The following ABCC1 variants were observed in gnomAD, a reference collection of about 807,000 sequenced individuals.
The protein encoded by ABCC1 is ATP binding cassette subfamily C member 1 (ABCC1 blood group).
A neutral mutation model predicts 172.9 loss-of-function variants in ABCC1; 83 were observed. The ratio of observed to expected loss-of-function variants is 0.48; its 90% CI spans 0.40 to 0.58. The LOEUF (loss-of-function observed/expected upper bound fraction) is 0.58, where lower values mean the gene tolerates loss of function less well. Ranked by LOEUF, ABCC1 falls within the 20% of genes least tolerant of loss-of-function variation. The probability of loss-of-function intolerance (pLI) is 0.00; values close to 1 mark genes in which losing one functional copy is unlikely to be tolerated. For missense variants in ABCC1, 1,817 were observed against 2,002.7 expected (o/e 0.91, Z 1.77); for synonymous variants, 937 against 825.2 (o/e 1.14, Z -2.32).
chr16:16,121,469 A>G (rs756309013), intron 23 of ABCC1, among the ~76,000 whole-genome samples: 1 of 152,232 alleles, frequency 6.6e-6, no homozygotes, highest in Admixed American at 6.5e-5. Flanking sequence ...GTTGACCTCA[A>G]AGCCTATGCT....
At chr16:15,975,152 C>G (rs1207425656) in intron 1 of ABCC1, among the ~76,000 whole-genome samples, 2 of 152,326 alleles carry the variant, frequency 1.3e-5, no homozygotes, top group South Asian at 4.1e-4. Flanking sequence ...ATTTCTCGTT[C>G]TGCTTTTACA....
At chr16:16,028,119 CCTTTGTTATCAG>C (rs2048438176) in intron 5 of ABCC1, among the ~76,000 whole-genome samples, 1 of 152,114 alleles carries the variant, frequency 6.6e-6, no homozygotes, top group Non-Finnish European at 1.5e-5. Context: ...TTCCTTTGTT[CCTTTGTTATCAG>C]CTGGCCGTTT....
intron 5 of ABCC1, among the ~76,000 whole-genome samples, chr16:16,028,400 G>A (rs540468299): frequency 2.6e-5 from 4 of 152,104 alleles, no homozygotes; most frequent in Non-Finnish European, 5.9e-5. Context: ...CTATAAGCAA[G>A]TCCTGCCCAT....
intron 13 of ABCC1, among the ~76,000 whole-genome samples, chr16:16,069,441 A>G (rs1456248570): frequency 6.6e-6 from 1 of 151,812 alleles, no homozygotes; most frequent in Non-Finnish European, 1.5e-5. Context: ...AATTCCTGCC[A>G]TTGACTGTGT....
At chr16:16,052,179 C>T (rs2049457501) in intron 10 of ABCC1, among the ~76,000 whole-genome samples, 1 of 151,644 alleles carries the variant, frequency 6.6e-6, no homozygotes, top group South Asian at 2.1e-4. Context: ...GTTTGAGTAA[C>T]ATAGTGAGAC....
chr16:16,066,917 T>C (rs2050134568), intron 12 of ABCC1, among the ~76,000 whole-genome samples: 1 of 149,166 alleles, frequency 6.7e-6, no homozygotes, highest in Admixed American at 6.7e-5. Flanking sequence ...AAAAAAAAAG[T>C]ATCTTTAGGT....
chr16:16,055,700 A>G (rs991678220), intron 11 of ABCC1, among the ~76,000 whole-genome samples: 2 of 151,790 alleles, frequency 1.3e-5, no homozygotes, highest in East Asian at 3.9e-4. Flanking sequence ...TAAATTGAGT[A>G]TGTTTCTCCA....
intron 1 of ABCC1, among the ~76,000 whole-genome samples, chr16:15,962,439 A>G (rs1462063911): frequency 2.6e-5 from 4 of 152,342 alleles, no homozygotes; most frequent in South Asian, 2.1e-4. Context: ...AACAAACAAT[A>G]CAAAGATATT....
chr16:16,090,581 G>A lies in ABCC1; in HGVS notation c.2637G>A (p.Glu879=). 2 of 1,595,142 alleles carry A rather than the reference G, an allele frequency of 1.3e-6. No homozygotes were observed. Among genetic ancestry groups the A allele is most frequent in the African/African-American group, 1.3e-5 (1 of 74,576 alleles). The part of the protein sequence containing the change: ...YASTEQEQDA[E]ENGVTGVSGP... Reference sequence around the variant, plus strand: ...GCACAGAGCAGGAGCAGGATGCAGAGGAGAACGGTAGGGGCAGCCCCAGGG... The same window carrying A: ...GCACAGAGCAGGAGCAGGATGCAGAAGAGAACGGTAGGGGCAGCCCCAGGG... Residue 879 remains glutamate (E), a synonymous_variant, in exon 19 of 31, where the codon GAG becomes GAA. Coordinates refer to ENST00000399410, the MANE Select transcript of ABCC1 (RefSeq NM_004996.4).
At chr16:15,956,807 A>AG (rs770285166) in intron 1 of ABCC1, among the ~76,000 whole-genome samples, 5 of 152,128 alleles carry the variant, frequency 3.3e-5, no homozygotes, top group Non-Finnish European at 5.9e-5. Flanking sequence ...GAGGCTAAGG[A>AG]GGAGGAGGAA....
At chr16:16,114,282 C>T (rs72777627) in intron 22 of ABCC1, among the ~76,000 whole-genome samples, 14 of 152,094 alleles carry the variant, frequency 9.2e-5, no homozygotes, top group Non-Finnish European at 1.8e-4. Context: ...CAGCACAGTG[C>T]TTAGCACATA....
chr16:15,984,553 C>T (rs886757378), intron 1 of ABCC1, among the ~76,000 whole-genome samples: 2 of 151,084 alleles, frequency 1.3e-5, no homozygotes, highest in African/African-American at 4.9e-5. Context: ...AGCGATTCTC[C>T]TGCCTCAGCC....
At position 16,142,707 on chromosome 16, in the gene ABCC1, G is replaced by A. The variant is rs2046170394; in HGVS notation, c.*1426G>A. On this transcript the variant is annotated 3_prime_UTR_variant, in exon 31 of 31. Transcript: ENST00000399410. ...AGAAGTAACATTCCCAGGAAATAGT[G>A]AGAAGCTCGCCCTGTGTTTGAAACC... The A allele has an allele frequency of 6.6e-6, 1 of 152,048 alleles. No homozygotes were observed. The allele number at this position is 152,048 out of a possible 1,614,324, so 9.4% of individuals were successfully genotyped here. A position where few individuals can be genotyped will look rare whatever the true frequency, so the allele number is the denominator to read the frequency against.
At chr16:15,971,912 AG>A (rs1280714226) in intron 1 of ABCC1, among the ~76,000 whole-genome samples, 1 of 152,130 alleles carries the variant, frequency 6.6e-6, no homozygotes, top group Non-Finnish European at 1.5e-5. Context: ...GCAAGAAGGA[AG>A]GGAGAAGGAA....
intron 3 of ABCC1, among the ~76,000 whole-genome samples, chr16:16,010,242 A>G (rs2047728290): frequency 6.6e-6 from 1 of 151,838 alleles, no homozygotes; most frequent in Admixed American, 6.6e-5. Flanking sequence ...TTCTGTAGAA[A>G]TGGGATCTCA....
intron 23 of ABCC1, among the ~76,000 whole-genome samples, 156 bp from the exon 24 acceptor site, chr16:16,121,819 C>A (rs1424505572): frequency 6.6e-6 from 1 of 152,166 alleles, no homozygotes; most frequent in African/African-American, 2.4e-5. Context: ...CTGTGGTTCA[C>A]CAGGTGAGTG....
At chr16:16,095,864 T>C (rs117900605) in intron 19 of ABCC1, among the ~76,000 whole-genome samples, 1 of 152,228 alleles carries the variant, frequency 6.6e-6, no homozygotes, top group East Asian at 1.9e-4. Context: ...GCTTGAACCA[T>C]CTGTTAACCT....
chr16:15,979,617 C>G (rs897675311), intron 1 of ABCC1, among the ~76,000 whole-genome samples: 1 of 152,068 alleles, frequency 6.6e-6, no homozygotes, highest in African/African-American at 2.4e-5. Flanking sequence ...TCTCCTGTCT[C>G]CAGGTAGGCA....
At chr16:16,073,053 A>AT (rs1447152681) in intron 14 of ABCC1, among the ~76,000 whole-genome samples, 5,167 of 59,730 alleles carry the variant, frequency 0.087, 118 homozygotes, top group Non-Finnish European at 0.15. Context: ...AAAAAAAAAA[A>AT]AAAATAATAA....
Sources: gnomAD v4.1 joint callset for allele counts (sites outside exome capture counted in the v4.1 genomes callset) on GRCh38, gnomAD v4.1.1 for gene constraint, MANE v1.5 for transcripts, NCBI Gene and HGNC (gene_info 2026-07-23, HGNC 2026-07-21) for gene names.